EDARADD: variants seen among roughly 807,000 people sequenced by gnomAD.
The protein encoded by EDARADD is EDAR associated via death domain.
A neutral mutation model predicts 25.6 loss-of-function variants in EDARADD; 20 were observed. The ratio of observed to expected loss-of-function variants is 0.78; its 90% CI spans 0.55 to 1.14. The LOEUF (loss-of-function observed/expected upper bound fraction) is 1.14. EDARADD is among the 50% of genes most tolerant of loss of function. The probability of loss-of-function intolerance (pLI) is 0.00; values close to 1 mark genes in which losing one functional copy is unlikely to be tolerated. For synonymous variants in EDARADD, 86 were observed against 94.4 expected (o/e 0.91, Z 0.52); for missense variants, 225 against 270.1 (o/e 0.83, Z 1.17).
At chr1:236,437,071 A>G (rs1394058659) in intron 4 of EDARADD, among the ~76,000 whole-genome samples, 1 of 152,198 alleles carries the variant, frequency 6.6e-6, no homozygotes, top group African/African-American at 2.4e-5. Flanking sequence ...CAAGTTTGGC[A>G]TTGAAAATCT....
intron 4 of EDARADD, among the ~76,000 whole-genome samples, chr1:236,429,573 C>T (rs2483068): frequency 0.45 from 66,864 of 149,524 alleles, 17,242 homozygotes; most frequent in Non-Finnish European, 0.59. Context: ...TTAGTAGAGA[C>T]GGGGTTTTGC....
intron 3 of EDARADD, among the ~76,000 whole-genome samples, chr1:236,352,414 T>C (rs1666925379): frequency 6.6e-6 from 1 of 152,200 alleles, no homozygotes; most frequent in Non-Finnish European, 1.5e-5. Flanking sequence ...CCGTAAATTT[T>C]ATCTAATAGA....
At chr1:236,447,094 CTTCTT>C (rs1387000152) in intron 4 of EDARADD, among the ~76,000 whole-genome samples, 2 of 152,120 alleles carry the variant, frequency 1.3e-5, no homozygotes, top group African/African-American at 4.8e-5. Flanking sequence ...GGCAGTGCCT[CTTCTT>C]TTCTTTTCTT....
chr1:236,477,270 C>T, intron 5 of EDARADD, among the ~76,000 whole-genome samples: 1 of 151,950 alleles, frequency 6.6e-6, no homozygotes. Context: ...AATCTCAGTA[C>T]TCTGGGAGGC....
At chr1:236,433,595 G>A (rs185995160) in intron 4 of EDARADD, among the ~76,000 whole-genome samples, 1 of 152,004 alleles carries the variant, frequency 6.6e-6, no homozygotes, top group Non-Finnish European at 1.5e-5. Flanking sequence ...ACAGGCGTGA[G>A]TCACCGCATC....
At chr1:236,412,169 T>C (rs1376573320) in intron 2 of EDARADD, among the ~76,000 whole-genome samples, 1 of 152,158 alleles carries the variant, frequency 6.6e-6, no homozygotes, top group Non-Finnish European at 1.5e-5. Flanking sequence ...CCTCTCACCC[T>C]CCCAGGGTAG....
chr1:236,405,870 CTTCCTTCT>C (rs1558112775), intron 1 of EDARADD, among the ~76,000 whole-genome samples: 11 of 37,532 alleles, frequency 2.9e-4, no homozygotes, highest in African/African-American at 9.5e-4. Flanking sequence ...TCCTTCCTTC[CTTCCTTCT>C]TTCTTTCTTT....
At chr1:236,357,410 G>A (rs568544470) in intron 3 of EDARADD, among the ~76,000 whole-genome samples, 2 of 152,290 alleles carry the variant, frequency 1.3e-5, no homozygotes, top group Admixed American at 6.5e-5. Flanking sequence ...CAAGAAACAT[G>A]AGAACCAGTC....
At chr1:236,443,676 TG>T (rs1658459791) in intron 4 of EDARADD, among the ~76,000 whole-genome samples, 1 of 152,210 alleles carries the variant, frequency 6.6e-6, no homozygotes, top group South Asian at 2.1e-4. Context: ...AGTAGTTTCT[TG>T]TGATGGAATC....
At chr1:236,421,958 C>T (rs758446962) in intron 3 of EDARADD, among the ~76,000 whole-genome samples, 4 of 152,072 alleles carry the variant, frequency 2.6e-5, no homozygotes, top group Non-Finnish European at 5.9e-5. Context: ...GGCACTTGAC[C>T]AGGAGGGAGA....
chr1:236,400,702 G>A (rs1030249495), intron 1 of EDARADD, among the ~76,000 whole-genome samples: 6 of 145,734 alleles, frequency 4.1e-5, no homozygotes, highest in African/African-American at 1.5e-4. Context: ...CCACAGGCTT[G>A]TACCACCACA....
intron 3 of EDARADD, among the ~76,000 whole-genome samples, chr1:236,386,958 C>T (rs868100897): frequency 2.8e-3 from 132 of 47,362 alleles, no homozygotes; most frequent in Middle Eastern, 0.022. Context: ...CCGCCCCGTC[C>T]GGGAGGTGAG....
At chr1:236,416,592 G>C (rs1043644863) in intron 3 of EDARADD, among the ~76,000 whole-genome samples, 1 of 152,060 alleles carries the variant, frequency 6.6e-6, no homozygotes, top group Non-Finnish European at 1.5e-5. Flanking sequence ...CCATACCCTA[G>C]GTCTTCCCTT....
chr1:236,482,460 G>A lies in EDARADD; in HGVS notation c.459G>A (p.Leu153=). ...AATGGGGGATGTCCTATGACGAATT[G>A]TGCTTCCTGGAGCAGAGGCCACAGA... is the stretch of plus-strand genomic sequence containing the variant. ...ASKWGMSYDE[L]CFLEQRPQSP... is the part of the protein sequence containing the mutation. The change falls in exon 6 of 6, where the codon TTG becomes TTA. Residue 153 remains leucine (L), a synonymous_variant. Transcript: ENST00000334232. 2 of 1,614,154 alleles carry A rather than the reference G, an allele frequency of 1.2e-6. No individual in the cohort carries two copies. Among genetic ancestry groups the A allele is most frequent in the Non-Finnish European group, 8.5e-7 (1 of 1,180,022 alleles).
Position 236,483,300 on chromosome 1 carries a change from G to A in EDARADD, c.*651G>A. On this transcript the variant is annotated 3_prime_UTR_variant, in exon 6 of 6. Coordinates refer to ENST00000334232, the MANE Select transcript of EDARADD (RefSeq NM_145861.4). The stretch of plus-strand genomic sequence containing the variant: ...TGGTGCTTCAACTGGTATCTATGAG[G>A]TCCTAGAGCTCCAGGACAATGATAA... The A allele has an allele frequency of 6.3e-7, 1 of 1,599,972 alleles. No homozygotes were observed. The highest frequency in any genetic ancestry group is 1.1e-5 in the South Asian group (1 of 90,778).
intron 4 of EDARADD, among the ~76,000 whole-genome samples, chr1:236,457,112 T>TA (rs989528889): frequency 6.6e-5 from 10 of 152,186 alleles, no homozygotes; most frequent in South Asian, 2.1e-4. Context: ...TGATATTTTT[T>TA]AAAAAAAGAA....
In EDARADD at chr1:236,483,484, G is replaced by T; in HGVS notation, c.*835G>T. 1 of 1,016,786 alleles carries T rather than the reference G, an allele frequency of 9.8e-7. No individual in the cohort carries two copies. Among genetic ancestry groups the T allele is most frequent in the Non-Finnish European group, 1.6e-6 (1 of 638,198 alleles). 63.0% of individuals were successfully genotyped at this position (1,016,786 alleles called of 1,614,324 possible). ...GGAACAGAAAATAAATCTAAATTTG[G>T]TGCAAATGCCATTCTGGGAGTGTCC... On this transcript the variant is annotated 3_prime_UTR_variant, in exon 6 of 6. Coordinates refer to ENST00000334232, the MANE Select transcript of EDARADD (RefSeq NM_145861.4).
chr1:236,456,085 A>T (rs552696194), intron 4 of EDARADD, among the ~76,000 whole-genome samples: 1 of 151,694 alleles, frequency 6.6e-6, no homozygotes, highest in Non-Finnish European at 1.5e-5. Context: ...CACCGCGCCC[A>T]GGTGCCTGTT....
chr1:236,383,733 GT>G (rs1667325343), intron 3 of EDARADD, among the ~76,000 whole-genome samples: 2 of 152,268 alleles, frequency 1.3e-5, no homozygotes, highest in African/African-American at 4.8e-5. Flanking sequence ...GCTGAGAATA[GT>G]GGCTCATACC....
Sources: gnomAD v4.1 joint callset for allele counts (sites outside exome capture counted in the v4.1 genomes callset) on GRCh38, gnomAD v4.1.1 for gene constraint, MANE v1.5 for transcripts, NCBI Gene and HGNC (gene_info 2026-07-23, HGNC 2026-07-21) for gene names.